Variants in PER2 observed in about 807,000 individuals in gnomAD.
The protein encoded by PER2 is period circadian protein homolog 2.
A neutral mutation model predicts 121.0 loss-of-function variants in PER2; 66 were observed. That is an observed-to-expected ratio of 0.55 (90% CI 0.45 to 0.67). PER2 has a LOEUF of 0.67. PER2 is among the 30% of genes least tolerant of loss of function. The pLI is 0.00. For synonymous variants in PER2, 684 were observed against 659.9 expected (o/e 1.04, Z -0.56); for missense variants, 1,521 against 1,635.0 (o/e 0.93, Z 1.20).
intron 1 of PER2, among the ~76,000 whole-genome samples, chr2:238,282,696 A>G (rs997216346): frequency 6.6e-5 from 10 of 152,248 alleles, no homozygotes; most frequent in African/African-American, 1.9e-4. Flanking sequence ...GAGGGCTGGC[A>G]CTGGGGCAGA....
intron 22 of PER2, among the ~76,000 whole-genome samples, chr2:238,247,864 C>G (rs998927143): frequency 3.3e-5 from 5 of 152,220 alleles, no homozygotes; most frequent in African/African-American, 9.6e-5. Flanking sequence ...TGGCAGGAAT[C>G]TGAACTGTCA....
intron 6 of PER2, among the ~76,000 whole-genome samples, chr2:238,269,841 A>AT (rs1384108615): frequency 1.3e-5 from 2 of 152,250 alleles, no homozygotes; most frequent in African/African-American, 4.8e-5. Flanking sequence ...CTCCATGCTG[A>AT]TTTTTGATTA....
intron 11 of PER2, 116 bp from the exon 12 acceptor site, chr2:238,261,953 G>GC (rs1331375455): frequency 3.9e-6 from 3 of 772,106 alleles, no homozygotes; most frequent in Non-Finnish European, 4.3e-6. Flanking sequence ...CTCCCCTGCA[G>GC]CCCCCCAGGC....
chr2:238,273,961 C>T (rs1052561586), intron 4 of PER2, among the ~76,000 whole-genome samples: 6 of 152,188 alleles, frequency 3.9e-5, no homozygotes, highest in East Asian at 3.8e-4. Context: ...CCACCGCGCC[C>T]GGCCCCTAGA....
Position 238,248,844 on chromosome 2 carries a change from A to G in PER2, c.3618+218T>C, listed in dbSNP as rs1281426123. 5.5e-6 allele frequency: 3 copies of G among 543,914 alleles called. No homozygotes were observed. The African/African-American group carries it at 5.7e-5, about 10-fold the overall frequency. The allele number at this position is 543,914 out of a possible 1,614,324, so 33.7% of individuals were successfully genotyped here. A position where few individuals can be genotyped will look rare whatever the true frequency, so the allele number is the denominator to read the frequency against. Reference sequence around the variant, plus strand: ...CTAATTTTTTGTATTTTTAGTAGAGACGGGGTTTCACCGTGTTTGCCAGGA... The same window carrying G: ...CTAATTTTTTGTATTTTTAGTAGAGGCGGGGTTTCACCGTGTTTGCCAGGA... On this transcript the variant is annotated intron_variant, in intron 22 of 22. Coordinates refer to ENST00000254657, the MANE Select transcript of PER2 (RefSeq NM_022817.3).
intron 8 of PER2, among the ~76,000 whole-genome samples, chr2:238,266,188 C>T (rs559301800): frequency 7.9e-5 from 12 of 152,196 alleles, no homozygotes; most frequent in Admixed American, 7.8e-4. Flanking sequence ...CAGGCGTGAG[C>T]CACTGCGCCC....
Position 238,255,591 on chromosome 2 carries a change from C to T in PER2, c.2320+66G>A, listed in dbSNP as rs1209496964. On this transcript the variant is annotated intron_variant, in intron 18 of 22. Coordinates refer to ENST00000254657, the MANE Select transcript of PER2 (RefSeq NM_022817.3). ...GACACATTTCACATTTTGAAACCAGCACTGGACTCAGTACCAACAGGAATA... is the reference window on the plus strand; with the variant it reads ...GACACATTTCACATTTTGAAACCAGTACTGGACTCAGTACCAACAGGAATA... The T allele has an allele frequency of 2.0e-6, 3 of 1,495,162 alleles. 1 individual carries two copies. Among genetic ancestry groups the T allele is most frequent in the Non-Finnish European group, 9.3e-7 (1 of 1,072,974 alleles). 92.6% of individuals were successfully genotyped at this position (1,495,162 alleles called of 1,614,324 possible).
Position 238,268,197 on chromosome 2 carries a change from C to T in PER2, c.826G>A (p.Val276Ile). Reference protein sequence around the residue: ...EEKSFFCRVSVRKSHENEIRY... With the variant: ...EEKSFFCRVSIRKSHENEIRY... ...ATTTCATTCTCGTGGCTTTTCCGGA[C>T]ACTGCGGAGAAGAGCCACGCTCTAA... Residue 276 changes from valine to isoleucine, a missense_variant and splice_region_variant, in exon 8 of 23, where the codon GTC (valine) becomes ATC (isoleucine). Transcript: ENST00000254657. The surrounding 1 kb of genome is among the most constrained non-coding windows in gnomAD (Gnocchi z 4.0). The T allele has an allele frequency of 6.2e-7, 1 of 1,613,872 alleles. No individual in the cohort carries two copies. Among genetic ancestry groups the T allele is most frequent in the Non-Finnish European group, 8.5e-7 (1 of 1,179,940 alleles).
Position 238,251,617 on chromosome 2 carries a change from C to T in PER2, c.3256G>A (p.Ala1086Thr), listed in dbSNP as rs775432240. 14 of 1,614,136 alleles carry T rather than the reference C, an allele frequency of 8.7e-6. No individual in the cohort carries two copies. Among genetic ancestry groups the T allele is most frequent in the South Asian group, 5.5e-5 (5 of 91,080 alleles). ...AACATACCTGCCCCACTCGGGGAGG[C>T]GTCGCAGCCCAGTGAGCCGGAGCCC... is the stretch of plus-strand genomic sequence containing the variant. ...SLGSGSLGCDASPSGAGSSDT... is the reference protein window; with the variant it reads ...SLGSGSLGCDTSPSGAGSSDT... Residue 1086 changes from alanine (A) to threonine (T), a missense_variant, in exon 20 of 23, where the codon GCC (alanine) becomes ACC (threonine). Physicochemically the swap from Ala to Thr is moderately conservative, Grantham distance 58. Coordinates refer to ENST00000254657, the MANE Select transcript of PER2 (RefSeq NM_022817.3).
rs1695449421 is a variant in PER2 at position 238,246,384 on chromosome 2, C to T, written c.3759G>A (p.Glu1253=). 1 of 1,608,356 alleles carries T rather than the reference C, an allele frequency of 6.2e-7. No individual in the cohort carries two copies. Among genetic ancestry groups the T allele is most frequent in the East Asian group, 2.2e-5 (1 of 44,794 alleles). Residue 1253 remains glutamate (E), a synonymous_variant, in exon 23 of 23, where the codon GAG becomes GAA. Transcript: ENST00000254657. ...NGSPLNHRIE[E]QT ...TGAGGTGGGGCAGGGGTTACGTCTG[C>T]TCTTCGATCCTGTGATTCAAGGGGG...
intron 5 of PER2, among the ~76,000 whole-genome samples, chr2:238,272,198 T>C (rs1696311102): frequency 6.6e-6 from 1 of 152,246 alleles, no homozygotes. Context: ...ATCAGGGTTC[T>C]ATGGCTGGAA....
In PER2 at chr2:238,277,732, C is replaced by G; in HGVS notation, c.205G>C (p.Val69Leu). ...DDSGKELGML[V>L]EPPDARQSPD... is the part of the protein sequence containing the mutation. Reference sequence around the variant, plus strand: ...CTCTGGCGGGCATCCGGTGGCTCCACCAGCATCCCCAGCTCCTTCCCACTG... The same window carrying G: ...CTCTGGCGGGCATCCGGTGGCTCCAGCAGCATCCCCAGCTCCTTCCCACTG... Residue 69 changes from valine to leucine, a missense_variant, in exon 2 of 23, where the codon GTG (valine) becomes CTG (leucine). Val to Leu is a conservative substitution (Grantham distance 32, BLOSUM62 1). Coordinates refer to ENST00000254657, the MANE Select transcript of PER2 (RefSeq NM_022817.3). 1 of 1,614,180 alleles carries G rather than the reference C, an allele frequency of 6.2e-7. No homozygotes were observed. The highest frequency in any genetic ancestry group is 8.5e-7 in the Non-Finnish European group (1 of 1,180,038).
chr2:238,294,294 G>A (rs1697008687), upstream of PER2, among the ~76,000 whole-genome samples: 1 of 152,170 alleles, frequency 6.6e-6, no homozygotes, highest in Non-Finnish European at 1.5e-5. Context: ...AGCATTCCTG[G>A]GGGCGTCACT....
At chr2:238,260,225 GAAT>G (rs1695885860) in intron 13 of PER2, among the ~76,000 whole-genome samples, 172 bp from the exon 14 acceptor site, 1 of 150,910 alleles carries the variant, frequency 6.6e-6, no homozygotes, top group African/African-American at 2.4e-5. Context: ...TGATCCTAAA[GAAT>G]AATAAAAAAT....
chr2:238,255,520 A>G, intron 18 of PER2, 137 bp downstream of exon 18: 2 of 904,268 alleles, frequency 2.2e-6, no homozygotes, highest in South Asian at 1.3e-5. Flanking sequence ...TGGCGTTGCC[A>G]GGGAAGTTCC....
rs1696506844 is a variant in PER2, at chr2:238,277,910, G to A, written c.27C>T (p.Pro9=). The A allele has an allele frequency of 6.2e-7, 1 of 1,613,934 alleles. No homozygotes were observed. The highest frequency in any genetic ancestry group is 8.5e-7 in the Non-Finnish European group (1 of 1,180,028). MNGYAEFP[P]SPSNPTKEPV... ...GCTCCTTGGTGGGGTTACTGGGGCT[G>A]GGCGGAAATTCCGCGTATCCATTCA... The change falls in exon 2 of 23, where the codon CCC becomes CCT. Residue 9 remains proline (P), a synonymous_variant. Transcript: ENST00000254657.
In PER2 at chr2:238,252,798, T is replaced by A; in HGVS notation, c.3111+114A>T. 1 of 919,234 alleles carries A rather than the reference T, an allele frequency of 1.1e-6. No homozygotes were observed. Among genetic ancestry groups the A allele is most frequent in the Non-Finnish European group, 1.8e-6 (1 of 558,526 alleles). 56.9% of individuals were successfully genotyped at this position (919,234 alleles called of 1,614,324 possible). On this transcript the variant is annotated intron_variant, in intron 19 of 22. Coordinates refer to ENST00000254657, the MANE Select transcript of PER2 (RefSeq NM_022817.3). This position sits in a 1 kb window ranked among gnomAD's most constrained non-coding sequence, Gnocchi z 4.2. The stretch of plus-strand genomic sequence containing the variant: ...ACATTCATGGCAAAACCTACAGGGT[T>A]TGGTGGAAACCTCAATCGTGTAACC...
Position 238,250,631 on chromosome 2 carries a change from C to T in PER2, c.3387G>A (p.Lys1129=). The change falls in exon 21 of 23, where the codon AAG becomes AAA. Residue 1129 remains lysine, a synonymous_variant. Transcript: ENST00000254657. ...TGMEESEHFI[K]CVLQDPIWLL... is the part of the protein sequence containing the mutation. The stretch of plus-strand genomic sequence containing the variant: ...GCCAGATGGGATCCTGCAGGACGCA[C>T]TTAATGAAATGCTCACTTTCTTCCA... 1.9e-6 allele frequency: 3 copies of T among 1,613,912 alleles called. No homozygotes were observed. The South Asian group carries it at 3.3e-5, about 18-fold the overall frequency.
At position 238,259,949 on chromosome 2, in the gene PER2, T is replaced by C. The variant is rs776654639; in HGVS notation, c.1627+20A>G. 7.1e-6 allele frequency: 8 copies of C among 1,121,076 alleles called. No homozygotes were observed. Among genetic ancestry groups the C allele is most frequent in the South Asian group, 6.4e-5 (5 of 77,534 alleles). The allele number at this position is 1,121,076 out of a possible 1,614,324, so 69.4% of individuals were successfully genotyped here. A position where few individuals can be genotyped will look rare whatever the true frequency, so the allele number is the denominator to read the frequency against. Reference sequence around the variant, plus strand: ...ATACTCTAGTTTCAGTAAGGAAATGTTGAATATTTTTTTTTTTACCTGTAA... The same window carrying C: ...ATACTCTAGTTTCAGTAAGGAAATGCTGAATATTTTTTTTTTTACCTGTAA... On this transcript the variant is annotated intron_variant, in intron 14 of 22. Coordinates refer to ENST00000254657, the MANE Select transcript of PER2 (RefSeq NM_022817.3).
Sources: gnomAD v4.1 joint callset for allele counts (sites outside exome capture counted in the v4.1 genomes callset) on GRCh38, gnomAD v4.1.1 for gene constraint, Gnocchi (gnomAD v3.1) non-coding constraint, MANE v1.5 for transcripts, NCBI Gene and HGNC (gene_info 2026-07-23, HGNC 2026-07-21) for gene names.